MED12L: variants seen among roughly 807,000 people sequenced by gnomAD.
MED12L encodes mediator of RNA polymerase II transcription subunit 12-like protein.
In MED12L, 60 loss-of-function variants were observed where a neutral mutation model predicts 281.3. The observed-to-expected ratio is 0.21, with a 90% CI of 0.17 to 0.26. The LOEUF (loss-of-function observed/expected upper bound fraction) is 0.26, where lower values mean the gene tolerates loss of function less well. Among genes scored for constraint, MED12L ranks in the 10% least tolerant of loss-of-function variants. The pLI is 1.00. For synonymous variants in MED12L, 974 were observed against 987.2 expected (o/e 0.99, Z 0.25); for missense variants, 2,146 against 2,680.9 (o/e 0.80, Z 4.41).
intron 16 of MED12L, among the ~76,000 whole-genome samples, chr3:151,281,060 G>GACAA (rs145003444): frequency 0.043 from 6,576 of 151,724 alleles, 462 homozygotes; most frequent in African/African-American, 0.15. Flanking sequence ...ATTTTAGCCT[G>GACAA]ACAATATTTA....
intron 31 of MED12L, among the ~76,000 whole-genome samples, chr3:151,379,339 G>A (rs1711812984): frequency 6.6e-6 from 1 of 152,194 alleles, no homozygotes; most frequent in Non-Finnish European, 1.5e-5. Context: ...AATGCTGATT[G>A]AAATATTTTG....
chr3:151,184,584 G>A (rs187054837), intron 11 of MED12L, among the ~76,000 whole-genome samples: 17 of 152,278 alleles, frequency 1.1e-4, no homozygotes, highest in East Asian at 1.9e-4. Flanking sequence ...ACCACTCGCT[G>A]CACCCCTATC....
At chr3:151,267,797 T>C (rs139844683) in intron 16 of MED12L, among the ~76,000 whole-genome samples, 1 of 152,168 alleles carries the variant, frequency 6.6e-6, no homozygotes, top group African/African-American at 2.4e-5. Flanking sequence ...GGCAGAGTAA[T>C]AAGAAAGGAA....
chr3:151,151,245 G>C (rs1463455874), intron 5 of MED12L, among the ~76,000 whole-genome samples: 3 of 151,620 alleles, frequency 2.0e-5, no homozygotes, highest in Non-Finnish European at 2.9e-5. Flanking sequence ...CACCGTGTTA[G>C]CCAGGATGGT....
chr3:151,213,685 T>A, intron 16 of MED12L: 2 of 1,614,206 alleles, frequency 1.2e-6, no homozygotes, highest in South Asian at 1.1e-5. Context: ...AAAGATTTTC[T>A]TTGTGATAGC....
chr3:151,363,589 G>T (rs766853334), intron 21 of MED12L, among the ~76,000 whole-genome samples: 1 of 152,170 alleles, frequency 6.6e-6, no homozygotes, highest in Non-Finnish European at 1.5e-5. Flanking sequence ...TTGCAAACTT[G>T]TATCCTTCAA....
chr3:151,238,367 G>C (rs1031301607), intron 16 of MED12L, among the ~76,000 whole-genome samples: 1 of 152,042 alleles, frequency 6.6e-6, no homozygotes, highest in Non-Finnish European at 1.5e-5. Context: ...GGCTGGTCTC[G>C]AACTCCTGAC....
intron 16 of MED12L, among the ~76,000 whole-genome samples, chr3:151,229,616 C>G (rs1444725357): frequency 6.6e-6 from 1 of 151,628 alleles, no homozygotes; most frequent in African/African-American, 2.4e-5. Flanking sequence ...GTAGCTGGGA[C>G]TACAGGCGCC....
intron 5 of MED12L, among the ~76,000 whole-genome samples, chr3:151,131,723 A>G (rs1715422535): frequency 9.8e-6 from 1 of 101,928 alleles, no homozygotes; most frequent in Admixed American, 1.1e-4. Context: ...GGACCACATG[A>G]TTTCCCCTAC....
At chr3:151,270,078 A>C in intron 16 of MED12L, 1 of 223,092 alleles carries the variant, frequency 4.5e-6, no homozygotes, top group South Asian at 5.8e-5. Context: ...AAGATGAAGA[A>C]GATGAAGATG....
chr3:151,385,231 C>T (rs902393765), intron 36 of MED12L, 40 bp downstream of exon 36: 2 of 1,026,578 alleles, frequency 1.9e-6, no homozygotes, highest in African/African-American at 3.4e-5. Flanking sequence ...AATTTATTTA[C>T]AAAAGATGAA....
At chr3:151,207,069 C>G (rs1226388042) in intron 16 of MED12L, among the ~76,000 whole-genome samples, 2 of 143,526 alleles carry the variant, frequency 1.4e-5, no homozygotes, top group Non-Finnish European at 3.0e-5. Context: ...TTTTTTAAGA[C>G]AGGGTCGTCT....
rs1284128689 is a variant in MED12L at position 151,411,566 on chromosome 3, T to C, written c.6140+59T>C. The C allele has an allele frequency of 4.1e-6, 6 of 1,462,734 alleles. No individual in the cohort carries two copies. In the Admixed American group the frequency reaches 5.0e-5, roughly 12 times the overall value. 90.6% of individuals were successfully genotyped at this position (1,462,734 alleles called of 1,614,324 possible). On this transcript the variant is annotated intron_variant, in intron 41 of 44. Transcript: ENST00000687756. The stretch of plus-strand genomic sequence containing the variant: ...AACAGTCACATTCTCGGGTTTCTTA[T>C]GCTTCTTATAGGGCATGGTACTTTA...
intron 16 of MED12L, among the ~76,000 whole-genome samples, chr3:151,318,221 A>C (rs1031923533): frequency 1.3e-5 from 2 of 152,156 alleles, no homozygotes; most frequent in Non-Finnish European, 2.9e-5. Context: ...TTGAATAACA[A>C]TTAGCCAACT....
rs35536198 is a variant in MED12L, at chr3:151,432,941, CAA to C, written c.*149_*150del. On this transcript the variant is annotated 3_prime_UTR_variant, in exon 45 of 45. Transcript: ENST00000687756. Reference sequence around the variant, plus strand: ...TTACTATATTTTATGCTACATCTCACAAAAAAAAAAAAAGGTGTTTAAACAAA... The same window carrying C: ...TTACTATATTTTATGCTACATCTCACAAAAAAAAAAAGGTGTTTAAACAAA... 85,906 of 458,020 alleles carry C rather than the reference CAA, an allele frequency of 0.19. 2,438 individuals carry two copies. The highest frequency in any genetic ancestry group is 0.25 in the Middle Eastern group (414 of 1,632). 28.4% of individuals were successfully genotyped at this position (458,020 alleles called of 1,614,324 possible).
At chr3:151,416,472 C>A in intron 43 of MED12L, 50 bp downstream of exon 43, 1 of 1,582,420 alleles carries the variant, frequency 6.3e-7, no homozygotes, top group South Asian at 1.1e-5. Context: ...TCTTTAAAAG[C>A]AGGTTGCATT....
At chr3:151,250,427 T>C (rs1736614092) in intron 16 of MED12L, among the ~76,000 whole-genome samples, 1 of 152,204 alleles carries the variant, frequency 6.6e-6, no homozygotes, top group Non-Finnish European at 1.5e-5. Flanking sequence ...CATTAAATAA[T>C]AATTCTCCAT....
chr3:151,201,349 C>A (rs1725563236), intron 16 of MED12L, among the ~76,000 whole-genome samples: 2 of 152,174 alleles, frequency 1.3e-5, no homozygotes, highest in South Asian at 4.1e-4. Context: ...TCTCTACTTA[C>A]ATCCCAGATT....
chr3:151,435,949 G>C lies in MED12L; in HGVS notation c.*3145G>C, dbSNP rs1291309651. 6.6e-6 allele frequency: 1 copy of C among 152,082 alleles called. No individual in the cohort carries two copies. Among genetic ancestry groups the C allele is most frequent in the Non-Finnish European group, 1.5e-5 (1 of 68,008 alleles). The allele number at this position is 152,082 out of a possible 1,614,324, so 9.4% of individuals were successfully genotyped here. On this transcript the variant is annotated 3_prime_UTR_variant, in exon 45 of 45. Coordinates refer to ENST00000687756, the MANE Select transcript of MED12L (RefSeq NM_001393769.1). ...TTTCCTTATAAACAGCTCCAAACCAGGGGTGCCTGAGCTAGATTTTAAAGT... is the reference window on the plus strand; with the variant it reads ...TTTCCTTATAAACAGCTCCAAACCACGGGTGCCTGAGCTAGATTTTAAAGT...
Sources: allele counts gnomAD v4.1 joint callset (sites outside exome capture counted in the v4.1 genomes callset), GRCh38; gene constraint gnomAD v4.1.1; transcripts MANE v1.5; gene names NCBI Gene and HGNC (gene_info 2026-07-23, HGNC 2026-07-21).